The following OOSP4B variants were observed in gnomAD, a reference collection of about 807,000 sequenced individuals.
OOSP4B encodes oocyte-secreted protein 4B.
In OOSP4B at chr11:60,019,937, CA is replaced by C. The variant is rs532611556; in HGVS notation, c.22+2528del. 2.6e-5 allele frequency among the ~76,000 whole-genome samples: 4 copies of C among 152,234 alleles called. No homozygotes were observed. In the South Asian group the frequency reaches 8.3e-4, roughly 32 times the overall value. ...GCGTTTACAATCCCTGAGCTAGACA[CA>C]AAAGTTCTCCACATGCCCACTAGAT... On this transcript the variant is annotated intron_variant, in intron 1 of 4. Coordinates refer to ENST00000642343, the Ensembl canonical transcript of OOSP4B.
chr11:60,027,167 C>T (rs945884020), intron 3 of OOSP4B, among the ~76,000 whole-genome samples: 10 of 152,114 alleles, frequency 6.6e-5, no homozygotes, highest in Admixed American at 2.0e-4. Flanking sequence ...TCCTTTTCCT[C>T]ACTGTCACGG....
At chr11:60,024,722 G>A (rs1854728298) in intron 2 of OOSP4B, among the ~76,000 whole-genome samples, 186 bp from the exon 3 acceptor site, 1 of 152,098 alleles carries the variant, frequency 6.6e-6, no homozygotes, top group Non-Finnish European at 1.5e-5. Context: ...AGAGATGGGG[G>A]CAAAGAAGTT....
chr11:60,023,568 G>A (rs1006635485), intron 1 of OOSP4B, among the ~76,000 whole-genome samples: 4 of 152,044 alleles, frequency 2.6e-5, no homozygotes, highest in African/African-American at 9.7e-5. Context: ...CCAAGTAGCT[G>A]GGATTACAGG....
chr11:60,019,063 A>C (rs761004914), intron 1 of OOSP4B, among the ~76,000 whole-genome samples: 2 of 152,080 alleles, frequency 1.3e-5, no homozygotes, highest in Non-Finnish European at 2.9e-5. Flanking sequence ...CTAAACAAAA[A>C]AATACAAAAA....
chr11:60,019,768 A>C (rs556024795), intron 1 of OOSP4B, among the ~76,000 whole-genome samples: 3 of 152,194 alleles, frequency 2.0e-5, no homozygotes, highest in Non-Finnish European at 4.4e-5. Flanking sequence ...AAGCTTCCAC[A>C]GTTTGGAAGG....
intron 1 of OOSP4B, among the ~76,000 whole-genome samples, chr11:60,020,278 G>T (rs112117396): frequency 0.055 from 8,356 of 152,302 alleles, 313 homozygotes; most frequent in Non-Finnish European, 0.079. Flanking sequence ...CCCTTGGATG[G>T]TGGATGGGAC....
chr11:60,025,731 TGG>T (rs964604044), intron 3 of OOSP4B, among the ~76,000 whole-genome samples: 2 of 152,224 alleles, frequency 1.3e-5, no homozygotes, highest in African/African-American at 4.8e-5. Flanking sequence ...TGCATATCTT[TGG>T]GTGTATGTTT....
chr11:60,017,392 ATGAAGACCTC>A lies in OOSP4B; in HGVS notation c.4_13del (p.Lys2_?5). 2.5e-6 allele frequency: 1 copy of A among 398,676 alleles called. No homozygotes were observed. The highest frequency in any genetic ancestry group is 4.4e-6 in the Non-Finnish European group (1 of 226,106). 24.7% of individuals were successfully genotyped at this position (398,676 alleles called of 1,614,324 possible). A position where few individuals can be genotyped will look rare whatever the true frequency, so the allele number is the denominator to read the frequency against. On this transcript the variant is annotated frameshift_variant and start_lost, in exon 1 of 5. Coordinates refer to ENST00000642343, the Ensembl canonical transcript of OOSP4B. LOFTEE classifies it high-confidence loss of function. The stretch of plus-strand genomic sequence containing the variant: ...ATGTTGTGTCTTGGAGTCTGGAGCA[ATGAAGACCTC>A]TGTGCTCTTAGGTAGGTCCTTCCTC...
At position 60,020,738 on chromosome 11, in the gene OOSP4B, G is replaced by A. The variant is rs532591473; in HGVS notation, c.23-3142G>A. Among the ~76,000 whole-genome samples, 8 of 152,366 alleles carry A rather than the reference G, an allele frequency of 5.3e-5. No homozygotes were observed. The South Asian group carries it at 8.3e-4, about 16-fold the overall frequency. On this transcript the variant is annotated intron_variant, in intron 1 of 4. Coordinates refer to ENST00000642343, the Ensembl canonical transcript of OOSP4B. Reference sequence around the variant, plus strand: ...CCAAGGCCGAGGAGGCGTGGAGAGCGAGCGAGGGCTGTGAGGGCTGCCAGC... The same window carrying A: ...CCAAGGCCGAGGAGGCGTGGAGAGCAAGCGAGGGCTGTGAGGGCTGCCAGC...
At chr11:60,023,758 G>T (rs1378046150) in intron 1 of OOSP4B, 122 bp from the exon 2 acceptor site, 13 of 394,118 alleles carry the variant, frequency 3.3e-5, no homozygotes, top group Non-Finnish European at 5.4e-5. Flanking sequence ...TTTGAACATG[G>T]CTAATAGGAG....
chr11:60,022,365 C>T (rs981632086), intron 1 of OOSP4B: 10 of 152,320 alleles, frequency 6.6e-5, no homozygotes, highest in African/African-American at 2.2e-4. Flanking sequence ...TTCACTTCTG[C>T]AGCTGTCATC....
chr11:60,030,914 A>G (rs1293620261), exon 5 of OOSP4B: 2 of 397,646 alleles, frequency 5.0e-6, no homozygotes, highest in African/African-American at 4.1e-5. Context: ...TTTCATCAAT[A>G]CTGTTGATGT....
At chr11:60,026,834 A>G (rs1447076577) in intron 3 of OOSP4B, among the ~76,000 whole-genome samples, 1 of 152,172 alleles carries the variant, frequency 6.6e-6, no homozygotes, top group East Asian at 1.9e-4. Context: ...TAGTGGTAAC[A>G]TTTGCACAGT....
intron 1 of OOSP4B, among the ~76,000 whole-genome samples, chr11:60,021,226 G>A (rs1383652039): frequency 1.3e-5 from 2 of 152,112 alleles, no homozygotes; most frequent in East Asian, 3.8e-4. Flanking sequence ...TGCAAACCGA[G>A]TCAATAGGTT....
intron 1 of OOSP4B, among the ~76,000 whole-genome samples, chr11:60,020,338 C>G (rs1467071355): frequency 6.6e-6 from 1 of 152,172 alleles, no homozygotes; most frequent in Non-Finnish European, 1.5e-5. Flanking sequence ...GCTCCTGCCG[C>G]TGCAGGAGCC....
At chr11:60,030,927 C>T in exon 5 of OOSP4B, 1 of 397,290 alleles carries the variant, frequency 2.5e-6, no homozygotes, top group African/African-American at 2.1e-5. Flanking sequence ...GTTGATGTGT[C>T]TGTACAAAGA....
intron 1 of OOSP4B, among the ~76,000 whole-genome samples, chr11:60,018,123 G>C (rs1183184436): frequency 6.6e-6 from 1 of 152,182 alleles, no homozygotes; most frequent in Admixed American, 6.5e-5. Context: ...ATTACCGTGA[G>C]GTAATGAGAG....
chr11:60,019,044 C>G (rs1278793136), intron 1 of OOSP4B, among the ~76,000 whole-genome samples: 1 of 151,972 alleles, frequency 6.6e-6, no homozygotes, highest in Admixed American at 6.6e-5. Context: ...TGGCGAAACC[C>G]CGTCTCTACT....
chr11:60,022,870 G>A (rs762767907), intron 1 of OOSP4B, among the ~76,000 whole-genome samples: 5 of 151,984 alleles, frequency 3.3e-5, no homozygotes, highest in Admixed American at 6.6e-5. Context: ...TGAGAAGATT[G>A]GACTCTGAAA....
Sources: allele counts gnomAD v4.1 joint callset (sites outside exome capture counted in the v4.1 genomes callset), GRCh38; gene constraint gnomAD v4.1.1; transcripts MANE v1.5; gene names NCBI Gene and HGNC (gene_info 2026-07-23, HGNC 2026-07-21).